SLC14A2: variants seen among roughly 807,000 people sequenced by gnomAD.
SLC14A2 encodes urea transporter 2.
In SLC14A2, 91 loss-of-function variants were observed where a neutral mutation model predicts 104.6. That is an observed-to-expected ratio of 0.87 (90% CI 0.73 to 1.04). SLC14A2 has a LOEUF of 1.04. Among genes scored for constraint, SLC14A2 ranks in the 50% least tolerant of loss-of-function variants. SLC14A2 has a pLI of 0.00. For synonymous variants in SLC14A2, 476 were observed against 466.4 expected (o/e 1.02, Z -0.27); for missense variants, 1,189 against 1,156.0 (o/e 1.03, Z -0.41).
At chr18:45,620,253 A>G (rs2045143022) in intron 1 of SLC14A2, among the ~76,000 whole-genome samples, 1 of 152,224 alleles carries the variant, frequency 6.6e-6, no homozygotes, top group Admixed American at 6.5e-5. Context: ...TCGGCTGTGC[A>G]TGGCCCAGCC....
At chr18:45,572,039 G>A (rs1271624108) in intron 2 of SLC14A2, among the ~76,000 whole-genome samples, 2 of 152,122 alleles carry the variant, frequency 1.3e-5, no homozygotes, top group Non-Finnish European at 2.9e-5. Context: ...TCCAGATATG[G>A]ATTTTTTTAA....
intron 1 of SLC14A2, among the ~76,000 whole-genome samples, chr18:45,325,971 G>A (rs2085230581): frequency 6.6e-6 from 1 of 152,128 alleles, no homozygotes; most frequent in African/African-American, 2.4e-5. Context: ...AGAACATCCT[G>A]CTTTACACCA....
At chr18:45,336,389 C>A (rs2085338064) in intron 1 of SLC14A2, among the ~76,000 whole-genome samples, 1 of 151,696 alleles carries the variant, frequency 6.6e-6, no homozygotes, top group Admixed American at 6.6e-5. Flanking sequence ...CATCAGCCTG[C>A]CATAGTTAAT....
chr18:45,662,737 T>C (rs1005590611), intron 10 of SLC14A2, among the ~76,000 whole-genome samples: 4 of 152,118 alleles, frequency 2.6e-5, no homozygotes, highest in African/African-American at 9.7e-5. Context: ...CCAGAAAATA[T>C]GCAGATGTAA....
intron 1 of SLC14A2, among the ~76,000 whole-genome samples, chr18:45,475,393 C>G (rs766090043): frequency 1.1e-4 from 16 of 151,432 alleles, no homozygotes; most frequent in Admixed American, 2.0e-4. Flanking sequence ...TGGTCCAGAG[C>G]TGAGTTCAAG....
chr18:45,273,936 T>C (rs1023434518), intron 1 of SLC14A2, among the ~76,000 whole-genome samples: 7 of 152,196 alleles, frequency 4.6e-5, no homozygotes, highest in African/African-American at 1.7e-4. Context: ...TGTAAATGTG[T>C]TATATTTAAC....
intron 2 of SLC14A2, among the ~76,000 whole-genome samples, chr18:45,599,103 T>C (rs2044753494): frequency 1.3e-5 from 2 of 152,134 alleles, no homozygotes; most frequent in Non-Finnish European, 2.9e-5. Context: ...AATATATAAA[T>C]ATAAACAAGT....
At chr18:45,190,236 T>C in the SLC14A2 span, among the ~76,000 whole-genome samples, 2 of 152,230 alleles carry the variant, frequency 1.3e-5, no homozygotes, top group African/African-American at 2.4e-5. Flanking sequence ...TAATTATCTC[T>C]ACAATCTCTT....
intron 1 of SLC14A2, among the ~76,000 whole-genome samples, chr18:45,443,144 T>TGAAGGG (rs1203202373): frequency 6.6e-6 from 1 of 152,152 alleles, no homozygotes; most frequent in Non-Finnish European, 1.5e-5. Context: ...GTAGGTTCAC[T>TGAAGGG]GAAGGGGAAG....
At chr18:45,592,793 C>A (rs764759442) in intron 2 of SLC14A2, among the ~76,000 whole-genome samples, 15 of 152,202 alleles carry the variant, frequency 9.9e-5, no homozygotes, top group Non-Finnish European at 1.9e-4. Context: ...GAGCCAAGCC[C>A]AAATCCTTGC....
intron 1 of SLC14A2, among the ~76,000 whole-genome samples, chr18:45,282,157 C>A (rs2084768840): frequency 6.6e-6 from 1 of 152,158 alleles, no homozygotes; most frequent in South Asian, 2.1e-4. Flanking sequence ...CACCCCAGGT[C>A]TGAGTCCAGA....
intron 2 of SLC14A2, among the ~76,000 whole-genome samples, chr18:45,568,718 A>G (rs886833229): frequency 6.6e-6 from 1 of 152,218 alleles, no homozygotes; most frequent in Non-Finnish European, 1.5e-5. Context: ...AATACGAAGT[A>G]GAGGCCAGCA....
At chr18:45,196,902 T>C in the SLC14A2 span, among the ~76,000 whole-genome samples, 6 of 152,340 alleles carry the variant, frequency 3.9e-5, no homozygotes, top group East Asian at 1.2e-3. Flanking sequence ...AGAGCTAAGC[T>C]GCATGCAGCA....
At chr18:45,373,966 G>C (rs1190007224) in intron 1 of SLC14A2, among the ~76,000 whole-genome samples, 1 of 152,152 alleles carries the variant, frequency 6.6e-6, no homozygotes, top group Non-Finnish European at 1.5e-5. Context: ...TTGCTAAAAA[G>C]GAGTGAACAC....
intron 1 of SLC14A2, among the ~76,000 whole-genome samples, chr18:45,245,796 A>T (rs1422583630): frequency 1.3e-5 from 2 of 152,230 alleles, no homozygotes; most frequent in African/African-American, 4.8e-5. Context: ...ATTTCTAATT[A>T]TTCATTCATT....
At chr18:45,252,161 C>A (rs2084430247) in intron 1 of SLC14A2, among the ~76,000 whole-genome samples, 1 of 152,160 alleles carries the variant, frequency 6.6e-6, no homozygotes, top group Non-Finnish European at 1.5e-5. Flanking sequence ...CCTGGACAGA[C>A]CCTGCCCTCT....
intron 1 of SLC14A2, among the ~76,000 whole-genome samples, chr18:45,444,293 T>C (rs2086728580): frequency 6.6e-6 from 1 of 152,086 alleles, no homozygotes; most frequent in Admixed American, 6.5e-5. Context: ...ATCTTGTAGG[T>C]TTTCTTATCT....
intron 10 of SLC14A2, among the ~76,000 whole-genome samples, chr18:45,662,016 T>C (rs1183220355): frequency 2.6e-4 from 40 of 152,142 alleles, no homozygotes; most frequent in Admixed American, 1.3e-4. Flanking sequence ...CATAAAAATA[T>C]AGACAAGGCT....
intron 2 of SLC14A2, among the ~76,000 whole-genome samples, chr18:45,602,834 A>G (rs1173419118): frequency 6.6e-6 from 1 of 152,218 alleles, no homozygotes; most frequent in Non-Finnish European, 1.5e-5. Flanking sequence ...AACTCATTCA[A>G]ATTCCCATCA....
Sources: allele counts gnomAD v4.1 joint callset (sites outside exome capture counted in the v4.1 genomes callset), GRCh38; gene constraint gnomAD v4.1.1; transcripts MANE v1.5; gene names NCBI Gene and HGNC (gene_info 2026-07-23, HGNC 2026-07-21).